Variants in DEPTOR observed in about 807,000 individuals in gnomAD.
The protein encoded by DEPTOR is DEP domain-containing mTOR-interacting protein.
Under a neutral mutation model 41.6 loss-of-function variants are expected in DEPTOR, and 41 were observed. That is an observed-to-expected ratio of 0.98 (90% CI 0.77 to 1.28). The LOEUF is 1.28. DEPTOR is among the 50% of genes most tolerant of loss of function. The pLI is 0.00. For missense variants in DEPTOR, 514 were observed against 527.9 expected, an observed-to-expected ratio of 0.97 and a Z score of 0.26; for synonymous variants, 195 against 192.3, an observed-to-expected ratio of 1.01 and a Z score of -0.12.
intron 8 of DEPTOR, among the ~76,000 whole-genome samples, chr8:120,014,039 A>G (rs904547547): frequency 2.0e-5 from 3 of 152,064 alleles, no homozygotes; most frequent in African/African-American, 7.2e-5. Context: ...GGGTTTCACC[A>G]TGTTGGCTAG....
chr8:119,946,129 T>C (rs1426248603), intron 3 of DEPTOR, among the ~76,000 whole-genome samples: 1 of 152,066 alleles, frequency 6.6e-6, no homozygotes, highest in Non-Finnish European at 1.5e-5. Context: ...TTGCAGTCCC[T>C]TCACACAGAG....
chr8:119,880,818 A>T (rs773694487), intron 1 of DEPTOR, among the ~76,000 whole-genome samples: 8 of 152,220 alleles, frequency 5.3e-5, no homozygotes, highest in Non-Finnish European at 1.2e-4. Flanking sequence ...CATCTGTGAG[A>T]ATGGGAGTAG....
Position 119,999,319 on chromosome 8 carries a change from C to T in DEPTOR, c.605-2206C>T, listed in dbSNP as rs561382141. Among the ~76,000 whole-genome samples, 3 of 151,812 alleles carry T rather than the reference C, an allele frequency of 2.0e-5. No homozygotes were observed. The South Asian group carries it at 6.3e-4, about 32-fold the overall frequency. On this transcript the variant is annotated intron_variant, in intron 4 of 8. Coordinates refer to ENST00000286234, the MANE Select transcript of DEPTOR (RefSeq NM_022783.4). ...GAAATAAAATAATGGTACCTATATCCCAAGCTGTTGTGATAATTAAAGGAA... is the reference window on the plus strand; with the variant it reads ...GAAATAAAATAATGGTACCTATATCTCAAGCTGTTGTGATAATTAAAGGAA...
chr8:119,942,933 A>T (rs1015871890), intron 3 of DEPTOR, among the ~76,000 whole-genome samples: 2 of 152,250 alleles, frequency 1.3e-5, no homozygotes, highest in Non-Finnish European at 2.9e-5. Flanking sequence ...CATGTAGTCT[A>T]AAGTATCCTT....
At chr8:120,034,143 G>A (rs992706262) in intron 8 of DEPTOR, among the ~76,000 whole-genome samples, 7 of 152,118 alleles carry the variant, frequency 4.6e-5, no homozygotes, top group South Asian at 2.1e-4. Flanking sequence ...GCTTAGTCCC[G>A]ATCTCATCAC....
intron 1 of DEPTOR, among the ~76,000 whole-genome samples, chr8:119,880,828 G>A (rs190858425): frequency 6.6e-6 from 1 of 152,340 alleles, no homozygotes; most frequent in East Asian, 1.9e-4. Context: ...AATGGGAGTA[G>A]GGTAAGGAAG....
intron 1 of DEPTOR, among the ~76,000 whole-genome samples, chr8:119,883,459 A>G (rs1250254370): frequency 2.9e-5 from 4 of 136,312 alleles, no homozygotes; most frequent in Non-Finnish European, 6.2e-5. Context: ...TGGGCGACAG[A>G]GCGAGACTCG....
At chr8:119,910,501 G>A (rs1028978001) in intron 1 of DEPTOR, among the ~76,000 whole-genome samples, 1 of 149,336 alleles carries the variant, frequency 6.7e-6, no homozygotes, top group Non-Finnish European at 1.5e-5. Flanking sequence ...CCCCCAGGCT[G>A]GAGTGCAATG....
At chr8:119,897,194 C>T (rs1386172446) in intron 1 of DEPTOR, among the ~76,000 whole-genome samples, 1 of 150,652 alleles carries the variant, frequency 6.6e-6, no homozygotes, top group Non-Finnish European at 1.5e-5. Context: ...ATGTGTTTTA[C>T]ACATAAGGGA....
intron 1 of DEPTOR, among the ~76,000 whole-genome samples, chr8:119,908,106 G>T (rs907093163): frequency 2.6e-5 from 4 of 152,168 alleles, no homozygotes; most frequent in Admixed American, 2.0e-4. Flanking sequence ...GGCCGAAGGA[G>T]TCCGGAGATC....
intron 8 of DEPTOR, among the ~76,000 whole-genome samples, chr8:120,015,687 C>G (rs1049881749): frequency 6.6e-6 from 1 of 152,100 alleles, no homozygotes; most frequent in African/African-American, 2.4e-5. Flanking sequence ...TAGATGCTCA[C>G]CCGTACAGAG....
intron 4 of DEPTOR, among the ~76,000 whole-genome samples, chr8:119,970,222 A>G (rs1828615218): frequency 6.6e-6 from 1 of 152,232 alleles, no homozygotes; most frequent in African/African-American, 2.4e-5. Flanking sequence ...CTATAAAGGC[A>G]TTAGGCTACT....
intron 6 of DEPTOR, among the ~76,000 whole-genome samples, 184 bp downstream of exon 6, chr8:120,003,295 T>C (rs1015445926): frequency 6.6e-6 from 1 of 152,182 alleles, no homozygotes; most frequent in Non-Finnish European, 1.5e-5. Flanking sequence ...AATTGGGTTG[T>C]AGCCCAGTCT....
chr8:120,015,319 C>A (rs919289998), intron 8 of DEPTOR, among the ~76,000 whole-genome samples: 1 of 152,198 alleles, frequency 6.6e-6, no homozygotes, highest in Non-Finnish European at 1.5e-5. Context: ...TCAGAGAAAC[C>A]TTCCTTGAAT....
chr8:119,905,568 C>G (rs28436011), intron 1 of DEPTOR, among the ~76,000 whole-genome samples: 7,544 of 151,660 alleles, frequency 0.05, 295 homozygotes, highest in South Asian at 0.17. Context: ...TTTCTGCTTG[C>G]CCATCTCTTA....
intron 4 of DEPTOR, among the ~76,000 whole-genome samples, chr8:119,991,406 C>T (rs1812170802): frequency 6.6e-6 from 1 of 152,084 alleles, no homozygotes. Flanking sequence ...ACCTCCTCCT[C>T]CCGGGTTCAA....
At chr8:119,907,749 T>C (rs1050363816) in intron 1 of DEPTOR, among the ~76,000 whole-genome samples, 49 of 151,894 alleles carry the variant, frequency 3.2e-4, no homozygotes, top group Admixed American at 2.7e-3. Flanking sequence ...CACTGCACTC[T>C]GGCCTGGCAA....
At chr8:119,896,302 G>A (rs543927252) in intron 1 of DEPTOR, among the ~76,000 whole-genome samples, 2 of 152,270 alleles carry the variant, frequency 1.3e-5, no homozygotes, top group African/African-American at 4.8e-5. Flanking sequence ...ACTTGCCCAG[G>A]GTTACAAGGT....
At chr8:120,047,459 C>G (rs1813168828) in intron 8 of DEPTOR, among the ~76,000 whole-genome samples, 1 of 150,896 alleles carries the variant, frequency 6.6e-6, no homozygotes. Context: ...CCTCCACCTC[C>G]CGGGTTCAAG....
Sources: gnomAD v4.1 joint callset for allele counts (sites outside exome capture counted in the v4.1 genomes callset) on GRCh38, gnomAD v4.1.1 for gene constraint, MANE v1.5 for transcripts, NCBI Gene and HGNC (gene_info 2026-07-23, HGNC 2026-07-21) for gene names.